Variants in TMEM117 observed in about 807,000 individuals in gnomAD.
TMEM117 encodes transmembrane protein 117.
A neutral mutation model predicts 52.4 loss-of-function variants in TMEM117; 27 were observed. That is an observed-to-expected ratio of 0.51 (90% CI 0.38 to 0.71). TMEM117 has a LOEUF of 0.71. TMEM117 is among the 30% of genes least tolerant of loss of function. TMEM117 has a pLI of 0.00. For synonymous variants in TMEM117, 215 were observed against 206.3 expected, an observed-to-expected ratio of 1.04 and a Z score of -0.36; for missense variants, 556 against 630.5, an observed-to-expected ratio of 0.88 and a Z score of 1.26.
chr12:43,942,124 C>G (rs953725726), intron 2 of TMEM117, among the ~76,000 whole-genome samples: 1 of 152,106 alleles, frequency 6.6e-6, no homozygotes, highest in African/African-American at 2.4e-5. Context: ...AAAGGGGCCC[C>G]TGAACAAAGA....
intron 3 of TMEM117, among the ~76,000 whole-genome samples, chr12:43,992,390 C>T (rs1945957687): frequency 6.6e-6 from 1 of 152,070 alleles, no homozygotes. Context: ...ACCTCAGCCT[C>T]CCAAGTAGCT....
chr12:44,296,410 C>T (rs368968188), intron 5 of TMEM117, among the ~76,000 whole-genome samples: 3 of 152,176 alleles, frequency 2.0e-5, no homozygotes, highest in East Asian at 3.9e-4. Flanking sequence ...ACAAATGTAC[C>T]TCCTGCCAGG....
At chr12:44,189,641 A>G (rs1949325319) in intron 4 of TMEM117, among the ~76,000 whole-genome samples, 1 of 152,180 alleles carries the variant, frequency 6.6e-6, no homozygotes, top group South Asian at 2.1e-4. Flanking sequence ...CAGAACTTAA[A>G]GATCGTTTAC....
intron 3 of TMEM117, among the ~76,000 whole-genome samples, chr12:44,117,675 A>G (rs980871219): frequency 1.3e-5 from 2 of 152,102 alleles, no homozygotes; most frequent in African/African-American, 2.4e-5. Context: ...TAATTCTAGA[A>G]CAACCTACCA....
intron 2 of TMEM117, among the ~76,000 whole-genome samples, chr12:43,863,034 C>T (rs188931615): frequency 1.8e-3 from 275 of 152,094 alleles, no homozygotes; most frequent in African/African-American, 6.2e-3. Context: ...GTGGCTCACA[C>T]CTGTAATTCT....
chr12:44,111,056 C>A (rs1948047218), intron 3 of TMEM117, among the ~76,000 whole-genome samples: 1 of 8,044 alleles, frequency 1.2e-4, no homozygotes, highest in Non-Finnish European at 1.9e-4. Context: ...GGTGATATCC[C>A]CTTTTTCATT....
chr12:43,956,767 A>G (rs1294378045), intron 3 of TMEM117, among the ~76,000 whole-genome samples: 2 of 152,252 alleles, frequency 1.3e-5, no homozygotes, highest in Non-Finnish European at 2.9e-5. Context: ...ATTTAGAACC[A>G]GAAATACCAT....
chr12:44,001,270 A>G (rs1946112746), intron 3 of TMEM117, among the ~76,000 whole-genome samples: 1 of 152,200 alleles, frequency 6.6e-6, no homozygotes, highest in African/African-American at 2.4e-5. Context: ...GTGTATATAG[A>G]TACCTAGCTC....
At chr12:44,396,242 A>T in the TMEM117 span, among the ~76,000 whole-genome samples, 21 of 151,896 alleles carry the variant, frequency 1.4e-4, no homozygotes, top group Non-Finnish European at 2.9e-4. Context: ...TTCTGTTTGG[A>T]ATCCGCTTTT....
At chr12:44,262,046 A>C (rs1039219945) in intron 5 of TMEM117, among the ~76,000 whole-genome samples, 4 of 152,234 alleles carry the variant, frequency 2.6e-5, no homozygotes, top group African/African-American at 9.6e-5. Flanking sequence ...TTTATAAAAG[A>C]AATACCTGTA....
intron 2 of TMEM117, among the ~76,000 whole-genome samples, chr12:43,894,147 T>C (rs914415091): frequency 6.6e-6 from 1 of 152,202 alleles, no homozygotes; most frequent in African/African-American, 2.4e-5. Flanking sequence ...TCTCTGCTCA[T>C]TGCCAAGAGC....
chr12:44,027,797 G>A (rs533514220), intron 3 of TMEM117, among the ~76,000 whole-genome samples: 17 of 152,342 alleles, frequency 1.1e-4, no homozygotes, highest in Non-Finnish European at 2.1e-4. Flanking sequence ...TAACTATAGA[G>A]AGGAGACATG....
intron 2 of TMEM117, among the ~76,000 whole-genome samples, chr12:43,926,737 C>A (rs1023734020): frequency 3.5e-5 from 5 of 144,884 alleles, no homozygotes; most frequent in Non-Finnish European, 7.5e-5. Flanking sequence ...CAAATAATAT[C>A]TTTATCAAGG....
chr12:44,049,875 A>G (rs1450314977), intron 3 of TMEM117, among the ~76,000 whole-genome samples: 1 of 152,214 alleles, frequency 6.6e-6, no homozygotes, highest in Non-Finnish European at 1.5e-5. Flanking sequence ...AGATTCTACC[A>G]CTTTGCAAAT....
At chr12:43,826,591 A>G in the TMEM117 span, among the ~76,000 whole-genome samples, 55 of 152,194 alleles carry the variant, frequency 3.6e-4, no homozygotes, top group Non-Finnish European at 8.8e-5. Context: ...CTGGCTAGCT[A>G]TTGTAAATTG....
chr12:43,896,563 C>G (rs1944205713), intron 2 of TMEM117, among the ~76,000 whole-genome samples: 1 of 152,186 alleles, frequency 6.6e-6, no homozygotes, highest in African/African-American at 2.4e-5. Flanking sequence ...GTAGGCAACC[C>G]CATGTTTTTG....
At chr12:44,341,639 TG>T (rs1349137023) in intron 6 of TMEM117, among the ~76,000 whole-genome samples, 1 of 152,108 alleles carries the variant, frequency 6.6e-6, no homozygotes, top group African/African-American at 2.4e-5. Flanking sequence ...TGACTGTGTT[TG>T]GGTCTCTAAA....
chr12:44,276,046 T>C (rs1950507641), intron 5 of TMEM117, among the ~76,000 whole-genome samples: 1 of 152,204 alleles, frequency 6.6e-6, no homozygotes, highest in South Asian at 2.1e-4. Flanking sequence ...TATCAAAACA[T>C]CTTATGTATC....
intron 4 of TMEM117, among the ~76,000 whole-genome samples, chr12:44,208,707 C>T (rs1315113409): frequency 6.9e-6 from 1 of 144,686 alleles, no homozygotes; most frequent in African/African-American, 2.5e-5. Context: ...AGATCAGCTG[C>T]CTGGCATCAG....
Sources: allele counts gnomAD v4.1 joint callset (sites outside exome capture counted in the v4.1 genomes callset), GRCh38; gene constraint gnomAD v4.1.1; transcripts MANE v1.5; gene names NCBI Gene and HGNC (gene_info 2026-07-23, HGNC 2026-07-21).